Variants in RBFOX1 observed in about 807,000 individuals in gnomAD.
RBFOX1 encodes RNA binding fox-1 homolog 1.
In RBFOX1, 8 loss-of-function variants were observed where a neutral mutation model predicts 57.7. That is an observed-to-expected ratio of 0.14 (90% CI 0.08 to 0.25). The LOEUF is 0.25. Ranked by LOEUF, RBFOX1 falls within the 10% of genes least tolerant of loss-of-function variation. RBFOX1 has a pLI of 1.00. For missense variants in RBFOX1, 611 were observed against 548.5 expected, an observed-to-expected ratio of 1.11 and a Z score of -1.14; for synonymous variants, 326 against 222.4, an observed-to-expected ratio of 1.47 and a Z score of -4.15.
At chr16:7,365,237 G>T (rs1374842007) in intron 4 of RBFOX1, among the ~76,000 whole-genome samples, 1 of 152,120 alleles carries the variant, frequency 6.6e-6, no homozygotes. Context: ...AGAAACCAGA[G>T]AAACAGATGA....
intron 2 of RBFOX1, among the ~76,000 whole-genome samples, chr16:5,586,061 C>T (rs959627430): frequency 3.9e-5 from 6 of 152,066 alleles, no homozygotes; most frequent in African/African-American, 7.2e-5. Flanking sequence ...GACACAGTGC[C>T]GTGCAGAGAA....
chr16:5,522,875 T>A (rs1426729046), intron 2 of RBFOX1, among the ~76,000 whole-genome samples: 2 of 152,230 alleles, frequency 1.3e-5, no homozygotes, highest in Non-Finnish European at 2.9e-5. Flanking sequence ...AGGATTCCAT[T>A]CTTTTTTTAT....
At chr16:7,152,938 G>A (rs1422921623) in intron 4 of RBFOX1, among the ~76,000 whole-genome samples, 1 of 152,192 alleles carries the variant, frequency 6.6e-6, no homozygotes, top group Non-Finnish European at 1.5e-5. Flanking sequence ...ATCTAGGCAA[G>A]GAGGGAACCA....
rs116388014 is a variant in RBFOX1 at position 7,009,599 on chromosome 16, C to T, written c.-15-42458C>T. ...AGTAACGATGCCACATCCAGCTAATCCAATAATGGAGAAGCTGATGTATAG... is the reference window on the plus strand; with the variant it reads ...AGTAACGATGCCACATCCAGCTAATTCAATAATGGAGAAGCTGATGTATAG... On this transcript the variant is annotated intron_variant, in intron 3 of 15. Transcript: ENST00000550418. Among the ~76,000 whole-genome samples, 501 of 152,220 alleles carry T rather than the reference C, an allele frequency of 3.3e-3. 8 individuals carry two copies. The highest frequency in any genetic ancestry group is 0.012 in the African/African-American group (478 of 41,544).
In RBFOX1 at chr16:5,270,496, C is replaced by T. The variant is rs370996505; in HGVS notation, c.219+30391C>T. ...TCTATGGCATGGGTCTTACCTGTGA[C>T]AAAATATGTTCCATGGTTGAAAAAT... On this transcript the variant is annotated intron_variant, in intron 1 of 2. Coordinates refer to the RBFOX1 transcript ENST00000585867. The T allele has an allele frequency of 3.7e-3, 2,547 of 690,690 alleles. 27 individuals carry two copies. The highest frequency in any genetic ancestry group is 0.015 in the South Asian group (1,074 of 69,458). 42.8% of individuals were successfully genotyped at this position (690,690 alleles called of 1,614,324 possible). A position where few individuals can be genotyped will look rare whatever the true frequency, so the allele number is the denominator to read the frequency against.
intron 4 of RBFOX1, among the ~76,000 whole-genome samples, chr16:5,983,332 G>A (rs1329288469): frequency 6.6e-6 from 1 of 152,208 alleles, no homozygotes; most frequent in East Asian, 1.9e-4. Context: ...AATATTCCCT[G>A]ACAGCTCCTG....
chr16:6,644,849 T>C (rs1602517983), intron 2 of RBFOX1, among the ~76,000 whole-genome samples: 1 of 152,190 alleles, frequency 6.6e-6, no homozygotes, highest in African/African-American at 2.4e-5. Flanking sequence ...ACCACAGTTA[T>C]CTTTTTTCAG....
chr16:6,410,436 C>A (rs2093422899), intron 2 of RBFOX1, among the ~76,000 whole-genome samples: 1 of 151,454 alleles, frequency 6.6e-6, no homozygotes, highest in South Asian at 2.1e-4. Context: ...CTCAGCCTCC[C>A]GAGTAGCTGG....
At chr16:6,763,784 G>A (rs996283073) in intron 3 of RBFOX1, among the ~76,000 whole-genome samples, 2 of 152,208 alleles carry the variant, frequency 1.3e-5, no homozygotes, top group Admixed American at 6.5e-5. Context: ...ATGTTTAAAT[G>A]TGTTCACACT....
intron 3 of RBFOX1, among the ~76,000 whole-genome samples, chr16:5,716,564 G>A (rs2051708502): frequency 6.6e-6 from 1 of 152,196 alleles, no homozygotes; most frequent in Non-Finnish European, 1.5e-5. Context: ...TAACAGATGT[G>A]GGCGAGGTTT....
chr16:7,369,980 C>G (rs1238061980), intron 4 of RBFOX1, among the ~76,000 whole-genome samples: 1 of 152,196 alleles, frequency 6.6e-6, no homozygotes, highest in Non-Finnish European at 1.5e-5. Flanking sequence ...GAGCCTTGAG[C>G]TAGGCTTTCT....
chr16:5,494,910 G>C (rs2042952084), intron 2 of RBFOX1, among the ~76,000 whole-genome samples: 1 of 152,188 alleles, frequency 6.6e-6, no homozygotes, highest in African/African-American at 2.4e-5. Flanking sequence ...AAACCTTCTA[G>C]AGTATGTTTT....
At chr16:5,513,997 T>C (rs772433307) in intron 2 of RBFOX1, among the ~76,000 whole-genome samples, 1 of 152,244 alleles carries the variant, frequency 6.6e-6, no homozygotes, top group African/African-American at 2.4e-5. Context: ...TTGTCATGTA[T>C]ATAAATTATT....
At chr16:7,395,651 T>C (rs1416678238) in intron 4 of RBFOX1, among the ~76,000 whole-genome samples, 2 of 152,194 alleles carry the variant, frequency 1.3e-5, no homozygotes, top group Non-Finnish European at 2.9e-5. Context: ...ATATGTAGCA[T>C]GGAAGACTTA....
chr16:5,787,813 G>T (rs890928625), intron 3 of RBFOX1, among the ~76,000 whole-genome samples: 3 of 152,200 alleles, frequency 2.0e-5, no homozygotes, highest in Non-Finnish European at 4.4e-5. Flanking sequence ...AAGGGCACAC[G>T]TTGACAAGAG....
intron 4 of RBFOX1, among the ~76,000 whole-genome samples, chr16:7,146,334 C>G (rs1017741440): frequency 2.0e-5 from 3 of 152,206 alleles, no homozygotes; most frequent in African/African-American, 7.2e-5. Context: ...TTGAAATGCA[C>G]TTGCAGTGAT....
At chr16:7,181,088 C>T (rs2082603522) in intron 4 of RBFOX1, among the ~76,000 whole-genome samples, 1 of 152,170 alleles carries the variant, frequency 6.6e-6, no homozygotes, top group Non-Finnish European at 1.5e-5. Context: ...CTTACTGACC[C>T]CCTGCTATCA....
chr16:7,426,581 G>A (rs912687297), intron 4 of RBFOX1, among the ~76,000 whole-genome samples: 2 of 152,166 alleles, frequency 1.3e-5, no homozygotes, highest in Non-Finnish European at 2.9e-5. Flanking sequence ...AAATAGATGC[G>A]CCAAGGGAGA....
At chr16:5,681,672 C>G (rs993102365) in intron 3 of RBFOX1, among the ~76,000 whole-genome samples, 4 of 152,052 alleles carry the variant, frequency 2.6e-5, no homozygotes, top group Admixed American at 2.6e-4. Context: ...GGATTACAAG[C>G]TTGAGCCACT....
Sources: gnomAD v4.1 joint callset for allele counts (sites outside exome capture counted in the v4.1 genomes callset) on GRCh38, gnomAD v4.1.1 for gene constraint, MANE v1.5 for transcripts, NCBI Gene and HGNC (gene_info 2026-07-23, HGNC 2026-07-21) for gene names.